Variants in SLC25A13 observed in about 807,000 individuals in gnomAD.
SLC25A13 encodes solute carrier family 25 member 13.
In SLC25A13, 70 loss-of-function variants were observed where a neutral mutation model predicts 85.5. The observed-to-expected ratio is 0.82, with a 90% CI of 0.68 to 1.00. The LOEUF is 1.00. Among genes scored for constraint, SLC25A13 ranks in the 50% least tolerant of loss-of-function variants. The probability of loss-of-function intolerance (pLI) is 0.00; values close to 1 mark genes in which losing one functional copy is unlikely to be tolerated. For missense variants in SLC25A13, 765 were observed against 819.8 expected (o/e 0.93, Z 0.82); for synonymous variants, 259 against 288.7 (o/e 0.90, Z 1.04).
At chr7:96,135,858 GTTTTTTTTTTTTT>G (rs57884645) in intron 14 of SLC25A13, among the ~76,000 whole-genome samples, 2 of 132,980 alleles carry the variant, frequency 1.5e-5, no homozygotes, top group African/African-American at 2.8e-5. Context: ...TCCTGCTTTG[GTTTTTTTTTTTTT>G]TTTTTTTAAA....
rs774373729 is a variant in SLC25A13, at chr7:96,120,262, G to A, written c.*929C>T. The A allele has an allele frequency of 3.1e-5, 14 of 451,768 alleles. No homozygotes were observed. Among genetic ancestry groups the A allele is most frequent in the Admixed American group, 4.7e-5 (2 of 42,412 alleles). The allele number at this position is 451,768 out of a possible 1,614,324, so 28.0% of individuals were successfully genotyped here. On this transcript the variant is annotated 3_prime_UTR_variant, in exon 18 of 18. Transcript: ENST00000265631. ...TATTTCCACCTTCACAAATTCATGC[G>A]CCTCTGACCATTATGCAAGGCAACA...
intron 2 of SLC25A13, among the ~76,000 whole-genome samples, chr7:96,282,470 A>G (rs568431732): frequency 3.0e-4 from 45 of 152,276 alleles, no homozygotes; most frequent in African/African-American, 1.1e-3. Context: ...GGTGCACACA[A>G]CAGGTCACTG....
intron 2 of SLC25A13, among the ~76,000 whole-genome samples, chr7:96,286,371 C>G (rs908178741): frequency 6.6e-6 from 1 of 152,070 alleles, no homozygotes; most frequent in African/African-American, 2.4e-5. Flanking sequence ...CACCCAGGAT[C>G]CTGTGCCCCG....
chr7:96,242,468 G>GC lies in SLC25A13; in HGVS notation c.213-7552dup, dbSNP rs371231858. On this transcript the variant is annotated intron_variant, in intron 3 of 17. Transcript: ENST00000265631. ...GACCCCTTGATGGACTTCCTTCTTA[G>GC]CCAAGGCACTCTTCAAATTTAACCT... 1.7e-3 allele frequency among the ~76,000 whole-genome samples: 260 copies of GC among 152,264 alleles called. 2 individuals carry two copies. Among genetic ancestry groups the GC allele is most frequent in the African/African-American group, 6.0e-3 (248 of 41,546 alleles).
At chr7:96,210,417 G>A (rs1331563216) in intron 4 of SLC25A13, among the ~76,000 whole-genome samples, 2 of 152,188 alleles carry the variant, frequency 1.3e-5, no homozygotes, top group African/African-American at 4.8e-5. Flanking sequence ...CAGTGAGTCT[G>A]ACCAGGGGTC....
intron 2 of SLC25A13, among the ~76,000 whole-genome samples, chr7:96,282,410 T>A (rs1008176813): frequency 3.3e-4 from 50 of 152,300 alleles, no homozygotes; most frequent in African/African-American, 1.2e-3. Context: ...ATCACTCATA[T>A]CCTGGGACTG....
At chr7:96,284,185 A>G (rs1798799912) in intron 2 of SLC25A13, among the ~76,000 whole-genome samples, 1 of 152,134 alleles carries the variant, frequency 6.6e-6, no homozygotes, top group African/African-American at 2.4e-5. Flanking sequence ...CTAGATAGAA[A>G]ACAGTATTTT....
chr7:96,303,923 T>C (rs1249505930), intron 1 of SLC25A13, among the ~76,000 whole-genome samples: 5 of 152,132 alleles, frequency 3.3e-5, no homozygotes, highest in Admixed American at 2.6e-4. Flanking sequence ...TTTAATATCC[T>C]GTAATAAATC....
At chr7:96,146,878 C>G (rs374120639) in intron 13 of SLC25A13, among the ~76,000 whole-genome samples, 182 bp from the exon 14 acceptor site, 46 of 152,250 alleles carry the variant, frequency 3.0e-4, no homozygotes, top group African/African-American at 8.9e-4. Flanking sequence ...CAGTTACTGC[C>G]TAGGAAGAAG....
intron 2 of SLC25A13, among the ~76,000 whole-genome samples, chr7:96,289,167 C>T (rs1471310634): frequency 2.0e-5 from 3 of 152,206 alleles, no homozygotes; most frequent in Non-Finnish European, 2.9e-5. Context: ...GGACCTCCAT[C>T]AAACTCCAAC....
intron 13 of SLC25A13, among the ~76,000 whole-genome samples, chr7:96,161,019 A>T (rs1296286432): frequency 2.0e-5 from 3 of 150,898 alleles, no homozygotes; most frequent in African/African-American, 7.3e-5. Flanking sequence ...TCCTTTTTTA[A>T]AGCTCCTCTT....
chr7:96,158,394 C>T (rs1246288272), intron 13 of SLC25A13, among the ~76,000 whole-genome samples: 1 of 152,084 alleles, frequency 6.6e-6, no homozygotes, highest in Non-Finnish European at 1.5e-5. Context: ...TTTAATATAG[C>T]GCAATTTCAA....
At chr7:96,145,922 G>A (rs1020904997) in intron 14 of SLC25A13, among the ~76,000 whole-genome samples, 2 of 152,020 alleles carry the variant, frequency 1.3e-5, no homozygotes, top group African/African-American at 4.8e-5. Flanking sequence ...TCAAGCTAGC[G>A]TAAAATGTTT....
chr7:96,175,238 G>C (rs983785296), intron 11 of SLC25A13, among the ~76,000 whole-genome samples: 14 of 152,214 alleles, frequency 9.2e-5, no homozygotes, highest in Admixed American at 9.2e-4. Flanking sequence ...GAGCAGAATG[G>C]AGGGCAAGGT....
intron 13 of SLC25A13, among the ~76,000 whole-genome samples, chr7:96,153,923 G>A (rs943273120): frequency 1.3e-5 from 2 of 152,126 alleles, no homozygotes; most frequent in African/African-American, 4.8e-5. Flanking sequence ...AAGAAAAAAT[G>A]TATTGTTTTA....
At chr7:96,307,040 G>T (rs1242445145) in intron 1 of SLC25A13, among the ~76,000 whole-genome samples, 1 of 151,950 alleles carries the variant, frequency 6.6e-6, no homozygotes, top group African/African-American at 2.4e-5. Flanking sequence ...CCCTCAGGTA[G>T]CCTCTCTCCC....
At chr7:96,242,516 CG>C (rs1797033877) in intron 3 of SLC25A13, among the ~76,000 whole-genome samples, 1 of 152,118 alleles carries the variant, frequency 6.6e-6, no homozygotes, top group Non-Finnish European at 1.5e-5. Flanking sequence ...CTGGCCATGA[CG>C]GGAAGTGGGG....
intron 13 of SLC25A13, 73 bp downstream of exon 13, chr7:96,169,972 A>G: frequency 2.1e-6 from 3 of 1,440,716 alleles, no homozygotes; most frequent in Middle Eastern, 1.7e-4. Context: ...CTTAGTCCAC[A>G]CCTGTTGACC....
intron 14 of SLC25A13, among the ~76,000 whole-genome samples, chr7:96,143,661 T>C: frequency 6.6e-6 from 1 of 152,246 alleles, no homozygotes; most frequent in Admixed American, 6.5e-5. Context: ...TTTTCCACTT[T>C]TTTTCAGTTG....
Sources: allele counts gnomAD v4.1 joint callset (sites outside exome capture counted in the v4.1 genomes callset), GRCh38; gene constraint gnomAD v4.1.1; transcripts MANE v1.5; gene names NCBI Gene and HGNC (gene_info 2026-07-23, HGNC 2026-07-21).